VSIG10: variants seen among roughly 807,000 people sequenced by gnomAD.
The protein encoded by VSIG10 is V-set and immunoglobulin domain containing 10, also known as V-set and immunoglobulin domain-containing protein 10.
In VSIG10, 48 loss-of-function variants were observed where a neutral mutation model predicts 58.7. That is an observed-to-expected ratio of 0.82 (90% CI 0.65 to 1.04). The LOEUF is 1.04. Ranked by LOEUF, VSIG10 falls within the 50% of genes least tolerant of loss-of-function variation. The pLI is 0.00. For missense variants in VSIG10, 628 were observed against 670.0 expected (o/e 0.94, Z 0.69); for synonymous variants, 260 against 267.1 (o/e 0.97, Z 0.26).
chr12:118,069,003 G>A (rs1193430883), intron 7 of VSIG10, among the ~76,000 whole-genome samples: 1 of 152,100 alleles, frequency 6.6e-6, no homozygotes, highest in Non-Finnish European at 1.5e-5. Flanking sequence ...ATTAATGACT[G>A]CATTTAGAGT....
chr12:118,098,299 C>T (rs1315277369), intron 1 of VSIG10, among the ~76,000 whole-genome samples: 1 of 119,778 alleles, frequency 8.3e-6, no homozygotes, highest in African/African-American at 3.4e-5. Context: ...CCCTCTCTCT[C>T]CGCCTCTCCC....
chr12:118,073,726 C>T lies in VSIG10; in HGVS notation c.1192G>A (p.Glu398Lys). The T allele has an allele frequency of 6.2e-7, 1 of 1,613,150 alleles. No homozygotes were observed. The highest frequency in any genetic ancestry group is 8.5e-7 in the Non-Finnish European group (1 of 1,179,466). ...TTCACACTCAGCCAGATTTCCATCT[C>T]CCTCACCCCTACAGGGCTGTCAGCT... ...CRADSPVGVR[E>K]MEIWLSVKEP... is the part of the protein sequence containing the mutation. The change falls in exon 5 of 9, where the codon GAG (glutamate) becomes AAG (lysine). Residue 398 changes from glutamate (E) to lysine (K), a missense_variant. Physicochemically the swap from Glu to Lys is moderately conservative, Grantham distance 56. Transcript: ENST00000359236.
chr12:118,100,331 A>G (rs955119225), intron 1 of VSIG10, among the ~76,000 whole-genome samples: 37 of 151,576 alleles, frequency 2.4e-4, no homozygotes, highest in Non-Finnish European at 4.1e-4. Context: ...CCCCGTTTCT[A>G]CTAAAAATAC....
chr12:118,072,818 A>C (rs2032553629), intron 5 of VSIG10, among the ~76,000 whole-genome samples: 1 of 152,176 alleles, frequency 6.6e-6, no homozygotes, highest in Admixed American at 6.5e-5. Flanking sequence ...TCCCAGGTAA[A>C]ATTCAGTATG....
At chr12:118,080,421 A>G (rs1171290938) in intron 3 of VSIG10, among the ~76,000 whole-genome samples, 2 of 151,964 alleles carry the variant, frequency 1.3e-5, no homozygotes, top group African/African-American at 2.4e-5. Context: ...CGGCCTCCCA[A>G]AGCGCTGAAA....
intron 7 of VSIG10, chr12:118,070,841 C>G: frequency 1.6e-6 from 1 of 613,310 alleles, no homozygotes; most frequent in African/African-American, 1.8e-5. Flanking sequence ...CCTCCATCCC[C>G]TTATCTGGAA....
chr12:118,086,621 A>G (rs7957470), intron 2 of VSIG10, among the ~76,000 whole-genome samples: 61,004 of 151,892 alleles, frequency 0.4, 12,472 homozygotes, highest in Middle Eastern at 0.48. Flanking sequence ...GTGGCCGGGT[A>G]AGATGGATCC....
intron 2 of VSIG10, among the ~76,000 whole-genome samples, chr12:118,093,108 T>C (rs1239563352): frequency 2.0e-5 from 3 of 147,258 alleles, no homozygotes; most frequent in Non-Finnish European, 4.5e-5. Flanking sequence ...GCTAACACAG[T>C]GAAACCCTGT....
intron 5 of VSIG10, among the ~76,000 whole-genome samples, chr12:118,071,959 C>G (rs1349511655): frequency 6.7e-6 from 1 of 148,230 alleles, no homozygotes; most frequent in Non-Finnish European, 1.5e-5. Flanking sequence ...CACCTGAAGT[C>G]GGGAGATCGA....
intron 2 of VSIG10, among the ~76,000 whole-genome samples, chr12:118,084,811 A>AGATC (rs1348832282): frequency 6.6e-6 from 1 of 152,162 alleles, no homozygotes; most frequent in Non-Finnish European, 1.5e-5. Context: ...CAAGGTCAGG[A>AGATC]GATCGAGACC....
At chr12:118,099,311 C>T (rs576164350) in intron 1 of VSIG10, among the ~76,000 whole-genome samples, 112 of 138,422 alleles carry the variant, frequency 8.1e-4, no homozygotes, top group Non-Finnish European at 1.3e-3. Flanking sequence ...GGTGGAGGGG[C>T]GGCGGGTTGG....
intron 1 of VSIG10, among the ~76,000 whole-genome samples, chr12:118,096,453 C>T (rs1213937876): frequency 1.3e-5 from 2 of 151,822 alleles, no homozygotes; most frequent in African/African-American, 2.4e-5. Context: ...TAGCACATGC[C>T]TGTAATCCCA....
Position 118,066,432 on chromosome 12 carries a change from G to A in VSIG10, c.*207C>T. 1 of 594,986 alleles carries A rather than the reference G, an allele frequency of 1.7e-6. No homozygotes were observed. The allele number at this position is 594,986 out of a possible 1,614,324, so 36.9% of individuals were successfully genotyped here. A position where few individuals can be genotyped will look rare whatever the true frequency, so the allele number is the denominator to read the frequency against. On this transcript the variant is annotated 3_prime_UTR_variant, in exon 9 of 9. Coordinates refer to ENST00000359236, the MANE Select transcript of VSIG10 (RefSeq NM_019086.6). The stretch of plus-strand genomic sequence containing the variant: ...TTCTCAAAGCTTTTAAACATCATTG[G>A]GAAAACTTAGAGCAAATCAAACCAA...
At chr12:118,067,803 GTC>G (rs887153826) in intron 8 of VSIG10, among the ~76,000 whole-genome samples, 2 of 151,964 alleles carry the variant, frequency 1.3e-5, no homozygotes, top group African/African-American at 4.8e-5. Context: ...GACACTACCA[GTC>G]TCTATTTTCT....
At position 118,103,748 on chromosome 12, in the gene VSIG10, G is replaced by T. The variant is rs911837022; in HGVS notation, c.-77C>A. 3.7e-6 allele frequency: 5 copies of T among 1,334,532 alleles called. No individual in the cohort carries two copies. Among genetic ancestry groups the T allele is most frequent in the Non-Finnish European group, 4.8e-6 (5 of 1,034,612 alleles). The allele number at this position is 1,334,532 out of a possible 1,614,324, so 82.7% of individuals were successfully genotyped here. A position where few individuals can be genotyped will look rare whatever the true frequency, so the allele number is the denominator to read the frequency against. On this transcript the variant is annotated 5_prime_UTR_variant, in exon 1 of 9. Coordinates refer to ENST00000359236, the MANE Select transcript of VSIG10 (RefSeq NM_019086.6). ...GTGTGCCCCAGGGCCCCGGGGCCCG[G>T]GGTACCGAGGGCTCCTCCCAGGTCC...
In VSIG10 at chr12:118,082,263, G is replaced by C. The variant is rs913969549; in HGVS notation, c.528C>G (p.Ser176=). 1 of 1,613,972 alleles carries C rather than the reference G, an allele frequency of 6.2e-7. No individual in the cohort carries two copies. The highest frequency in any genetic ancestry group is 2.2e-5 in the East Asian group (1 of 44,872). The change falls in exon 3 of 9, where the codon TCC becomes TCG. Residue 176 remains serine, a synonymous_variant. Coordinates refer to ENST00000359236, the MANE Select transcript of VSIG10 (RefSeq NM_019086.6). The part of the protein sequence containing the change: ...WFQALNSSSE[S]FGHNLTVNFF... ...AGTTGACTGTCAGGTTGTGGCCAAA[G>C]GACTCGCTGCTGGAATTCAGGGCCT...
In VSIG10 at chr12:118,072,322, G is replaced by A. The variant is rs182997321; in HGVS notation, c.1220-853C>T. On this transcript the variant is annotated intron_variant, in intron 5 of 8. Transcript: ENST00000359236. ...CTACTAAAAATACAAAAAATTAGCC[G>A]GGCACAGCGGCGGGCGCCTGCAGTC... is the stretch of plus-strand genomic sequence containing the variant. Among the ~76,000 whole-genome samples, 1,246 of 150,230 alleles carry A rather than the reference G, an allele frequency of 8.3e-3. 13 individuals are homozygous for A. Among genetic ancestry groups the A allele is most frequent in the Middle Eastern group, 0.022 (6 of 278 alleles).
Position 118,085,477 on chromosome 12 carries a change from TCTGA to T in VSIG10, c.362-3052_362-3049del, listed in dbSNP as rs773515056. On this transcript the variant is annotated intron_variant, in intron 2 of 8. Transcript: ENST00000359236. Reference sequence around the variant, plus strand: ...GAGCCTGGCACTGTGTGCCATGAAATCTGACTGGGGTCTTTCATGGGCTGATTTA... The same window carrying T: ...GAGCCTGGCACTGTGTGCCATGAAATCTGGGGTCTTTCATGGGCTGATTTA... Among the ~76,000 whole-genome samples, 80 of 152,336 alleles carry T rather than the reference TCTGA, an allele frequency of 5.3e-4. 1 individual carries two copies. Among genetic ancestry groups the T allele is most frequent in the Middle Eastern group, 6.8e-3 (2 of 294 alleles).
Position 118,073,580 on chromosome 12 carries a change from T to C in VSIG10, c.1219+119A>G, listed in dbSNP as rs544639273. 4 of 1,173,842 alleles carry C rather than the reference T, an allele frequency of 3.4e-6. No homozygotes were observed. The East Asian group carries it at 7.2e-5, about 21-fold the overall frequency. The allele number at this position is 1,173,842 out of a possible 1,614,324, so 72.7% of individuals were successfully genotyped here. Reference sequence around the variant, plus strand: ...TTGTCAAGTCATAAGCAAGCAGATATGCCTTCTCCCAGTTGGCAGTGACCC... The same window carrying C: ...TTGTCAAGTCATAAGCAAGCAGATACGCCTTCTCCCAGTTGGCAGTGACCC... On this transcript the variant is annotated intron_variant, in intron 5 of 8. Coordinates refer to ENST00000359236, the MANE Select transcript of VSIG10 (RefSeq NM_019086.6).
Sources: allele counts gnomAD v4.1 joint callset (sites outside exome capture counted in the v4.1 genomes callset), GRCh38; gene constraint gnomAD v4.1.1; transcripts MANE v1.5; gene names NCBI Gene and HGNC (gene_info 2026-07-23, HGNC 2026-07-21).